The following ELMOD2 variants were observed in gnomAD, a reference collection of about 807,000 sequenced individuals.
The protein encoded by ELMOD2 is ELMO domain-containing protein 2.
In ELMOD2, 28 loss-of-function variants were observed where a neutral mutation model predicts 41.0. The observed-to-expected ratio is 0.68, with a 90% CI of 0.51 to 0.94. The LOEUF (loss-of-function observed/expected upper bound fraction) is 0.94, where lower values mean the gene tolerates loss of function less well. Ranked by LOEUF, ELMOD2 falls within the 40% of genes least tolerant of loss-of-function variation. The pLI is 0.00. For missense variants in ELMOD2, 333 were observed against 343.1 expected (o/e 0.97, Z 0.23); for synonymous variants, 106 against 107.2 (o/e 0.99, Z 0.07).
chr4:140,549,102 A>T (rs1487969083), intron 8 of ELMOD2, among the ~76,000 whole-genome samples: 1 of 151,992 alleles, frequency 6.6e-6, no homozygotes, highest in Non-Finnish European at 1.5e-5. Context: ...ACTATAGATG[A>T]GTTTGCATTT....
Position 140,542,582 on chromosome 4 carries a change from G to A in ELMOD2, c.542G>A (p.Ser181Asn). The change falls in exon 7 of 9, where the codon AGT becomes AAT. Residue 181 changes from serine (S) to asparagine (N), a missense_variant. Ser to Asn is a conservative substitution (Grantham distance 46). Coordinates refer to ENST00000323570, the MANE Select transcript of ELMOD2 (RefSeq NM_153702.4). ...TTTCTTAAACTTTTTAGGTATTTCAGTGAAAATTACACTAGTGAAGCTCAT... is the reference window on the plus strand; with the variant it reads ...TTTCTTAAACTTTTTAGGTATTTCAATGAAAATTACACTAGTGAAGCTCAT... ...ILGLINLVYF[S>N]ENYTSEAHQI... 6.2e-7 allele frequency: 1 copy of A among 1,603,308 alleles called. No individual in the cohort carries two copies. The highest frequency in any genetic ancestry group is 8.5e-7 in the Non-Finnish European group (1 of 1,174,140).
At chr4:140,548,196 G>T (rs1735353543) in intron 8 of ELMOD2, among the ~76,000 whole-genome samples, 1 of 152,122 alleles carries the variant, frequency 6.6e-6, no homozygotes, top group Non-Finnish European at 1.5e-5. Context: ...AAGGACATAA[G>T]AATGGTAAAT....
intron 1 of ELMOD2, 181 bp downstream of exon 1, chr4:140,524,461 G>A: frequency 7.8e-6 from 3 of 387,060 alleles, no homozygotes; most frequent in Non-Finnish European, 1.1e-5. Context: ...GCGCAGAGAC[G>A]CCCAGAGCCC....
intron 8 of ELMOD2, among the ~76,000 whole-genome samples, chr4:140,543,936 G>T: frequency 6.6e-6 from 1 of 152,054 alleles, no homozygotes; most frequent in Admixed American, 6.6e-5. Context: ...ACCATTTGCA[G>T]ATTATTTTTT....
chr4:140,525,449 GTTC>G lies in ELMOD2; in HGVS notation c.26_28del (p.Phe9del). ...AAAAAATGTTTATTTCTTTGTGGGA[GTTC>G]TTCTATGGGCACTTTTTTCGATTTT... On this transcript the variant is annotated inframe_deletion, in exon 2 of 9. Transcript: ENST00000323570. The G allele has an allele frequency of 6.2e-7, 1 of 1,613,656 alleles. No homozygotes were observed. The highest frequency in any genetic ancestry group is 1.1e-5 in the South Asian group (1 of 90,996).
chr4:140,540,901 T>C (rs1735085931), intron 6 of ELMOD2, among the ~76,000 whole-genome samples: 1 of 152,204 alleles, frequency 6.6e-6, no homozygotes, highest in Non-Finnish European at 1.5e-5. Context: ...GCTTTTTCTC[T>C]CTCGGCTCTC....
chr4:140,547,976 C>T (rs1332549027), intron 8 of ELMOD2, among the ~76,000 whole-genome samples: 4 of 152,126 alleles, frequency 2.6e-5, no homozygotes, highest in African/African-American at 4.8e-5. Flanking sequence ...GTATTTTTTC[C>T]TGTGGTTTCC....
At chr4:140,524,688 G>T (rs1734499021) in intron 1 of ELMOD2, 1 of 980,598 alleles carries the variant, frequency 1.0e-6, no homozygotes, top group Non-Finnish European at 1.2e-6. Context: ...AATGTTTAAG[G>T]CAGGAAGGAG....
intron 3 of ELMOD2, among the ~76,000 whole-genome samples, chr4:140,531,895 A>G (rs899533521): frequency 6.6e-6 from 1 of 152,210 alleles, no homozygotes. Flanking sequence ...TTTTTTCACA[A>G]ATCTCTAATC....
intron 8 of ELMOD2, among the ~76,000 whole-genome samples, chr4:140,547,478 A>T: frequency 6.6e-6 from 1 of 152,048 alleles, no homozygotes; most frequent in Non-Finnish European, 1.5e-5. Context: ...GGATGTCTCC[A>T]TTCTAGTTTT....
At chr4:140,525,721 C>G (rs1578752968) in intron 2 of ELMOD2, 151 bp downstream of exon 2, 5 of 761,622 alleles carry the variant, frequency 6.6e-6, no homozygotes, top group Non-Finnish European at 9.4e-6. Flanking sequence ...ACTCCTTCAG[C>G]TCTAAAATTG....
chr4:140,542,296 G>GT (rs567487070), intron 6 of ELMOD2: 7,260 of 194,372 alleles, frequency 0.037, no homozygotes, highest in East Asian at 0.055. Flanking sequence ...AACTTTGGTT[G>GT]TTTTTTTTTT....
chr4:140,537,499 A>T lies in ELMOD2; in HGVS notation c.357A>T (p.Pro119=). 6.3e-7 allele frequency: 1 copy of T among 1,598,000 alleles called. No homozygotes were observed. Among genetic ancestry groups the T allele is most frequent in the Non-Finnish European group, 8.5e-7 (1 of 1,173,620 alleles). The change falls in exon 5 of 9, where the codon CCA becomes CCT. Residue 119 remains proline (P), a synonymous_variant. Coordinates refer to ENST00000323570, the MANE Select transcript of ELMOD2 (RefSeq NM_153702.4). ...YLDVESVRKR[P]YDSDNLQHEE... ...ATGTAGAAAGTGTGAGGAAAAGGCC[A>T]TATGATTCTGATAACCTACAGCATG...
chr4:140,540,744 A>T lies in ELMOD2; in HGVS notation c.533+443A>T, dbSNP rs138791408. Among the ~76,000 whole-genome samples, 8 of 4,830 alleles carry T rather than the reference A, an allele frequency of 1.7e-3. No individual in the cohort carries two copies. The Non-Finnish European group carries it at 0.023, about 14-fold the overall frequency. The allele number at this position is 4,830 out of a possible 152,430, so 3.2% of individuals were successfully genotyped here. On this transcript the variant is annotated intron_variant, in intron 6 of 8. Coordinates refer to ENST00000323570, the MANE Select transcript of ELMOD2 (RefSeq NM_153702.4). ...GGTGACAGAGCAAGACCCTGTCTTT[A>T]AAAAAAAAAAAAAAAAGACATTGGT...
At chr4:140,547,274 C>T (rs1735319750) in intron 8 of ELMOD2, among the ~76,000 whole-genome samples, 1 of 152,078 alleles carries the variant, frequency 6.6e-6, no homozygotes, top group Non-Finnish European at 1.5e-5. Context: ...CCCTCTTTTC[C>T]TTTGATCGCC....
intron 4 of ELMOD2, among the ~76,000 whole-genome samples, chr4:140,536,208 T>C (rs1734920575): frequency 6.6e-6 from 1 of 152,228 alleles, no homozygotes; most frequent in Non-Finnish European, 1.5e-5. Flanking sequence ...TGGCATCTCA[T>C]AGTGCTATCA....
At chr4:140,535,880 A>G (rs771289230) in intron 4 of ELMOD2, 50 bp downstream of exon 4, 2 of 1,496,070 alleles carry the variant, frequency 1.3e-6, no homozygotes, top group South Asian at 2.4e-5. Context: ...ATAGCCTGTG[A>G]GGTATCAATA....
intron 3 of ELMOD2, among the ~76,000 whole-genome samples, chr4:140,533,310 A>G (rs1328476816): frequency 3.3e-5 from 5 of 152,204 alleles, no homozygotes; most frequent in Non-Finnish European, 4.4e-5. Context: ...TTAAGACTTT[A>G]TAGTCAAAAG....
chr4:140,530,075 G>GA (rs1469113107), intron 3 of ELMOD2, among the ~76,000 whole-genome samples: 2 of 152,150 alleles, frequency 1.3e-5, no homozygotes, highest in African/African-American at 2.4e-5. Context: ...ATAAGTAAAT[G>GA]AAAATTAACT....
Sources: gnomAD v4.1 joint callset for allele counts (sites outside exome capture counted in the v4.1 genomes callset) on GRCh38, gnomAD v4.1.1 for gene constraint, MANE v1.5 for transcripts, NCBI Gene and HGNC (gene_info 2026-07-23, HGNC 2026-07-21) for gene names.